Variants in C3 observed in about 807,000 individuals in gnomAD.
C3 encodes C3 and PZP-like alpha-2-macroglobulin domain-containing protein 1.
A neutral mutation model predicts 207.9 loss-of-function variants in C3; 97 were observed. The ratio of observed to expected loss-of-function variants is 0.47; its 90% confidence interval spans 0.40 to 0.55. C3 has a LOEUF of 0.55. Ranked by LOEUF, C3 falls within the 20% of genes least tolerant of loss-of-function variation. The pLI, the probability that C3 is intolerant of heterozygous loss-of-function variation, is 0.00. For missense variants in C3, 1,684 were observed against 2,171.7 expected (o/e 0.78, Z 4.46); for synonymous variants, 848 against 857.6 (o/e 0.99, Z 0.20).
At chr19:6,693,122 A>G in intron 25 of C3, 39 bp from the exon 26 acceptor site, 6 of 1,608,164 alleles carry the variant, frequency 3.7e-6, no homozygotes, top group Non-Finnish European at 5.1e-6. Context: ...CGGCTCTGAG[A>G]TCCAGAGACT....
chr19:6,686,230 T>C lies in C3; in HGVS notation c.3704A>G (p.Tyr1235Cys), dbSNP rs1162270340. The C allele has an allele frequency of 7.4e-6, 12 of 1,614,036 alleles. No individual in the cohort carries two copies. The highest frequency in any genetic ancestry group is 1.6e-4 in the Middle Eastern group (1 of 6,078). ...TAGCTGCAGTAGGGCCAAGAGGGCA[T>C]AGGATGTGGCCTCCACGTTGTAGAG... is the stretch of plus-strand genomic sequence containing the variant. ...KQLYNVEATS[Y>C]ALLALLQLKD... The change falls in exon 29 of 41, where the codon TAT becomes TGT. Residue 1235 changes from tyrosine to cysteine, a missense_variant. Tyr to Cys is a radical substitution (Grantham distance 194). Coordinates refer to ENST00000245907, the MANE Select transcript of C3 (RefSeq NM_000064.4).
chr19:6,707,772 C>A, intron 15 of C3, 28 bp downstream of exon 15: 1 of 1,611,938 alleles, frequency 6.2e-7, no homozygotes, highest in Non-Finnish European at 8.5e-7. Flanking sequence ...CTGTCTGTCC[C>A]TGCACCGGCC....
In C3 at chr19:6,684,660, T is replaced by C. The variant is rs1184374177; in HGVS notation, c.4030-10A>G. ...GGTACATTGTCACCACCTGGTAAGA[T>C]GGGAGAGGAGACACAATGTCAGCCC... On this transcript the variant is annotated splice_polypyrimidine_tract_variant and intron_variant, in intron 31 of 40. Transcript: ENST00000245907. 1.9e-6 allele frequency: 3 copies of C among 1,610,880 alleles called. No individual in the cohort carries two copies. The highest frequency in any genetic ancestry group is 2.7e-5 in the African/African-American group (2 of 74,786).
Position 6,682,387 on chromosome 19 carries a change from A to T in C3, c.4173-158T>A, listed in dbSNP as rs754496901. 400 of 677,584 alleles carry T rather than the reference A, an allele frequency of 5.9e-4. 4 individuals carry two copies. Among genetic ancestry groups the T allele is most frequent in the Middle Eastern group, 1.5e-3 (4 of 2,600 alleles). The allele number at this position is 677,584 out of a possible 1,614,324, so 42.0% of individuals were successfully genotyped here. On this transcript the variant is annotated intron_variant, in intron 33 of 40. Transcript: ENST00000245907. ...TTTTTAGGAAACATTTCCCCAAAGG[A>T]AATAAAAAGCAAGGTAATGTAATGG...
intron 24 of C3, among the ~76,000 whole-genome samples, chr19:6,693,949 G>T (rs1232984661): frequency 6.9e-6 from 1 of 144,560 alleles, no homozygotes; most frequent in Non-Finnish European, 1.5e-5. Flanking sequence ...GCCTCAGAGG[G>T]CGTGGCCTTG....
rs547306943 is a variant in C3, at chr19:6,697,859, G to T, written c.2441-65C>A. The T allele has an allele frequency of 4.5e-4, 685 of 1,535,856 alleles. 2 individuals carry two copies. Among genetic ancestry groups the T allele is most frequent in the Non-Finnish European group, 5.0e-4 (562 of 1,129,494 alleles). Reference sequence around the variant, plus strand: ...GGAGTGGACAAGGCCAGGCTCCTGGGTCTCAGCTCTTAGTCCACTCCGCAG... The same window carrying T: ...GGAGTGGACAAGGCCAGGCTCCTGGTTCTCAGCTCTTAGTCCACTCCGCAG... On this transcript the variant is annotated intron_variant, in intron 19 of 40. Transcript: ENST00000245907.
At chr19:6,689,374 T>TCTCTCTCTCTCTCTCTCTCTCTC (rs1555684230) in intron 27 of C3, among the ~76,000 whole-genome samples, 8 of 116,380 alleles carry the variant, frequency 6.9e-5, no homozygotes, top group African/African-American at 3.3e-4. Flanking sequence ...TCTCTCTCTC[T>TCTCTCTCTCTCTCTCTCTCTCTC]CTCTCTCTCT....
At chr19:6,709,888 A>T (rs1967866819) in intron 13 of C3, 46 bp from the exon 14 acceptor site, 3 of 1,485,438 alleles carry the variant, frequency 2.0e-6, no homozygotes, top group South Asian at 2.2e-5. Context: ...CCTGGGAGAG[A>T]GGAGTGCCTG....
Position 6,714,572 on chromosome 19 carries a change from A to T in C3, c.505-126T>A, listed in dbSNP as rs912076008. On this transcript the variant is annotated intron_variant, in intron 4 of 40. Transcript: ENST00000245907. ...CACAGTGTCTACTGTGGTTAAGAAC[A>T]GGGACCCAGGTGGGCGCAGCGGCTC... 5.3e-6 allele frequency: 4 copies of T among 753,296 alleles called. No individual in the cohort carries two copies. In the Admixed American group the frequency reaches 8.0e-5, roughly 15 times the overall value. The allele number at this position is 753,296 out of a possible 1,614,324, so 46.7% of individuals were successfully genotyped here.
intron 23 of C3, 71 bp from the exon 24 acceptor site, chr19:6,694,705 T>C: frequency 1.4e-6 from 2 of 1,448,682 alleles, no homozygotes; most frequent in South Asian, 1.2e-5. Flanking sequence ...GTGAAAAGGG[T>C]TCCAGCCTCC....
chr19:6,700,643 GTAATATA>G (rs1226265702), intron 19 of C3, among the ~76,000 whole-genome samples: 2 of 55,586 alleles, frequency 3.6e-5, no homozygotes, highest in African/African-American at 1.9e-4. Flanking sequence ...TATTATATAT[GTAATATA>G]TAATATATGA....
chr19:6,696,013 T>C (rs920962282), intron 23 of C3, among the ~76,000 whole-genome samples: 3 of 151,330 alleles, frequency 2.0e-5, no homozygotes, highest in African/African-American at 7.3e-5. Context: ...ATCGAGACCA[T>C]CCTGGCTAAC....
At chr19:6,703,664 G>C (rs767690402) in intron 17 of C3, among the ~76,000 whole-genome samples, 1 of 152,034 alleles carries the variant, frequency 6.6e-6, no homozygotes, top group Non-Finnish European at 1.5e-5. Flanking sequence ...AAGGATCACC[G>C]TCCCGAGAAA....
intron 7 of C3, 36 bp downstream of exon 7, chr19:6,713,956 C>A: frequency 6.8e-7 from 1 of 1,466,742 alleles, no homozygotes; most frequent in Non-Finnish European, 9.4e-7. Context: ...TGGTCCCTCA[C>A]CTGGCTCTTA....
chr19:6,704,880 A>G (rs1195286940), intron 17 of C3, among the ~76,000 whole-genome samples: 3 of 151,612 alleles, frequency 2.0e-5, no homozygotes, highest in Non-Finnish European at 2.9e-5. Flanking sequence ...CCTGGGTGAC[A>G]GAGCAAGATT....
At chr19:6,709,012 C>T (rs1342080637) in intron 14 of C3, among the ~76,000 whole-genome samples, 1 of 151,870 alleles carries the variant, frequency 6.6e-6, no homozygotes, top group Non-Finnish European at 1.5e-5. Context: ...ATCTCCATTT[C>T]CCCTCTGATT....
chr19:6,685,984 G>A, intron 29 of C3, 140 bp downstream of exon 29: 1 of 876,648 alleles, frequency 1.1e-6, no homozygotes, highest in Non-Finnish European at 1.9e-6. Context: ...AATAAAAACT[G>A]ATTCTCAACT....
intron 11 of C3, 129 bp from the exon 12 acceptor site, chr19:6,711,325 TGG>T (rs1481715265): frequency 4.3e-4 from 318 of 731,102 alleles, no homozygotes; most frequent in Non-Finnish European, 7.2e-4. Flanking sequence ...GTTAGGGATC[TGG>T]AGATGGAATC....
chr19:6,682,318 T>A, intron 33 of C3, 89 bp from the exon 34 acceptor site: 2 of 911,596 alleles, frequency 2.2e-6, no homozygotes, highest in Non-Finnish European at 3.7e-6. Context: ...GATCAGGCAC[T>A]GAGACTTCTG....
Sources: gnomAD v4.1 joint callset for allele counts (sites outside exome capture counted in the v4.1 genomes callset) on GRCh38, gnomAD v4.1.1 for gene constraint, MANE v1.5 for transcripts, NCBI Gene and HGNC (gene_info 2026-07-23, HGNC 2026-07-21) for gene names.